NRXN3: variants seen among roughly 807,000 people sequenced by gnomAD.
NRXN3 encodes the protein neurexin III.
Under a neutral mutation model 137.6 loss-of-function variants are expected in NRXN3, and 32 were observed. That is an observed-to-expected ratio of 0.23 (90% CI 0.18 to 0.31). The LOEUF is 0.31. NRXN3 is among the 10% of genes least tolerant of loss of function. The pLI is 1.00. For synonymous variants in NRXN3, 798 were observed against 784.5 expected (o/e 1.02, Z -0.29); for missense variants, 1,574 against 2,062.5 (o/e 0.76, Z 4.59).
Position 79,663,833 on chromosome 14 carries a change from A to C in NRXN3, c.3500A>C (p.Lys1167Thr). The change falls in exon 17 of 21, where the codon AAA becomes ACA. Residue 1167 changes from lysine (K) to threonine (T), a missense_variant. Around this residue, in one of 5 missense-constraint regions of NRXN3, gnomAD observed 133 missense variants for 241.8 expected, o/e 0.55. Transcript: ENST00000335750. ...FNIGTVDISI[K>T]EERTPVNDGK... ...ATTGGCACAGTTGACATCTCCATCA[A>C]AGAGGAGAGAACCCCTGTAAATGAC... 1.2e-6 allele frequency: 2 copies of C among 1,613,350 alleles called. No individual in the cohort carries two copies. Among genetic ancestry groups the C allele is most frequent in the Non-Finnish European group, 1.7e-6 (2 of 1,179,594 alleles).
chr14:78,755,415 G>A (rs57352493), intron 8 of NRXN3, among the ~76,000 whole-genome samples: 7,524 of 152,036 alleles, frequency 0.049, 580 homozygotes, highest in African/African-American at 0.17. Context: ...ATTCTCTCTT[G>A]ATACCCTTAC....
chr14:78,357,364 C>G (rs2084468106), intron 4 of NRXN3, among the ~76,000 whole-genome samples: 1 of 152,196 alleles, frequency 6.6e-6, no homozygotes, highest in Non-Finnish European at 1.5e-5. Context: ...CGCCATAAAT[C>G]AGTCACCTCC....
chr14:78,534,027 A>G (rs2096504385), intron 4 of NRXN3, among the ~76,000 whole-genome samples: 1 of 152,218 alleles, frequency 6.6e-6, no homozygotes. Context: ...CCCATTAAGT[A>G]ATGGTGCACC....
At position 79,762,754 on chromosome 14, in the gene NRXN3, T is replaced by C. The variant is rs552219126; in HGVS notation, c.4015-42358T>C. 4.4e-4 allele frequency among the ~76,000 whole-genome samples: 67 copies of C among 151,802 alleles called. 1 individual carries two copies. The South Asian group carries it at 0.013, about 29-fold the overall frequency. On this transcript the variant is annotated intron_variant, in intron 19 of 20. Transcript: ENST00000335750. ...CACAAAGAAAAAACCCAATAAGTTG[T>C]AGTGGCTATTTTTCATCTTCTCATT...
At chr14:78,522,492 A>G (rs1369327074) in intron 4 of NRXN3, among the ~76,000 whole-genome samples, 1 of 152,212 alleles carries the variant, frequency 6.6e-6, no homozygotes, top group Non-Finnish European at 1.5e-5. Flanking sequence ...ATAGTTGACT[A>G]CAATTAAAAT....
intron 10 of NRXN3, among the ~76,000 whole-genome samples, chr14:78,881,778 C>A (rs917522817): frequency 6.6e-6 from 1 of 151,802 alleles, no homozygotes; most frequent in East Asian, 1.9e-4. Context: ...AAGAAAAACC[C>A]ATTTTCTGAA....
rs868513823 is a variant in NRXN3 at position 78,808,363 on chromosome 14, G to A, written c.2249-1955G>A. Among the ~76,000 whole-genome samples the A allele has an allele frequency of 2.0e-5, 3 of 152,272 alleles. No homozygotes were observed. In the Middle Eastern group the frequency reaches 0.01, roughly 518 times the overall value. On this transcript the variant is annotated intron_variant, in intron 9 of 20. Transcript: ENST00000335750. The stretch of plus-strand genomic sequence containing the variant: ...TAAAATCCTCAGCTATGCAGAAGCC[G>A]AAGACAAAACCCACTTGTTGTTTGC...
At chr14:79,492,608 C>G (rs979157409) in intron 16 of NRXN3, among the ~76,000 whole-genome samples, 2 of 152,152 alleles carry the variant, frequency 1.3e-5, no homozygotes, top group African/African-American at 4.8e-5. Context: ...GTCTCGAACT[C>G]CAGACCTCAA....
chr14:79,271,394 T>G (rs1363981343), intron 15 of NRXN3, among the ~76,000 whole-genome samples: 5 of 129,878 alleles, frequency 3.8e-5, no homozygotes, highest in Admixed American at 8.1e-5. Flanking sequence ...TTCCTCCTTC[T>G]TCCTTCCCCT....
intron 10 of NRXN3, among the ~76,000 whole-genome samples, chr14:78,866,953 A>G (rs919032294): frequency 2.6e-5 from 4 of 151,762 alleles, no homozygotes; most frequent in African/African-American, 7.3e-5. Context: ...ACACACCACC[A>G]TGCCCGGCTA....
chr14:78,695,357 T>C, intron 6 of NRXN3: 1 of 152,100 alleles, frequency 6.6e-6, no homozygotes, highest in East Asian at 1.9e-4. Context: ...TTATTCAGCC[T>C]ACTACAGAGA....
intron 4 of NRXN3, among the ~76,000 whole-genome samples, chr14:78,321,124 A>G (rs2079302894): frequency 6.6e-6 from 1 of 151,452 alleles, no homozygotes; most frequent in South Asian, 2.1e-4. Context: ...CAAAAAAAAA[A>G]GAAAAAAGAA....
At chr14:78,919,437 A>G (rs966066249) in intron 10 of NRXN3, among the ~76,000 whole-genome samples, 1 of 152,206 alleles carries the variant, frequency 6.6e-6, no homozygotes, top group Non-Finnish European at 1.5e-5. Flanking sequence ...ATCAAATTAC[A>G]CAAGTGGAGA....
intron 15 of NRXN3, among the ~76,000 whole-genome samples, chr14:79,192,732 G>A (rs2064549014): frequency 1.3e-5 from 2 of 150,212 alleles, no homozygotes; most frequent in African/African-American, 4.9e-5. Flanking sequence ...TCTCAGAGAA[G>A]CAATATGTAA....
intron 16 of NRXN3, among the ~76,000 whole-genome samples, chr14:79,522,509 T>C (rs1380517866): frequency 1.3e-5 from 2 of 152,170 alleles, no homozygotes; most frequent in African/African-American, 2.4e-5. Context: ...TACCTTCCAA[T>C]GTAGCAGGAG....
chr14:78,452,930 T>C (rs1190936707), intron 4 of NRXN3, among the ~76,000 whole-genome samples: 1 of 152,204 alleles, frequency 6.6e-6, no homozygotes, highest in Non-Finnish European at 1.5e-5. Flanking sequence ...CTTCATAAAA[T>C]ATGTTAATTA....
chr14:78,616,368 A>G (rs1024771539), intron 4 of NRXN3, among the ~76,000 whole-genome samples: 4 of 152,036 alleles, frequency 2.6e-5, no homozygotes, highest in African/African-American at 9.7e-5. Flanking sequence ...CTCCCCTCCC[A>G]AAGGCTAACT....
chr14:79,014,700 T>G (rs1178156764), intron 15 of NRXN3, among the ~76,000 whole-genome samples: 3 of 152,334 alleles, frequency 2.0e-5, no homozygotes, highest in South Asian at 4.1e-4. Flanking sequence ...GGGGAGCTAG[T>G]GCAGTTGTTT....
At chr14:78,229,323 C>G (rs2065074741) in intron 1 of NRXN3, among the ~76,000 whole-genome samples, 1 of 151,446 alleles carries the variant, frequency 6.6e-6, no homozygotes, top group East Asian at 1.9e-4. Flanking sequence ...GAAAGGAAAG[C>G]CCTGTTATAA....
Sources: allele counts gnomAD v4.1 joint callset (sites outside exome capture counted in the v4.1 genomes callset), GRCh38; gene constraint gnomAD v4.1.1; regional missense constraint gnomAD v4.1.1; transcripts MANE v1.5; gene names NCBI Gene and HGNC (gene_info 2026-07-23, HGNC 2026-07-21).